HS3ST4: variants seen among roughly 807,000 people sequenced by gnomAD.
HS3ST4 encodes the protein heparan sulfate glucosamine 3-O-sulfotransferase 4.
HS3ST4 carries 17 observed loss-of-function variants against 29.2 expected under a neutral mutation model. That is an observed-to-expected ratio of 0.58 (90% CI 0.40 to 0.87). The LOEUF (loss-of-function observed/expected upper bound fraction) is 0.87. HS3ST4 is among the 40% of genes least tolerant of loss of function. The probability of loss-of-function intolerance (pLI) is 0.00; values close to 1 mark genes in which losing one functional copy is unlikely to be tolerated. For synonymous variants in HS3ST4, 314 were observed against 285.7 expected, an observed-to-expected ratio of 1.10 and a Z score of -1.00; for missense variants, 627 against 634.5, an observed-to-expected ratio of 0.99 and a Z score of 0.13.
chr16:25,801,700 T>C (rs1372201050), intron 1 of HS3ST4, among the ~76,000 whole-genome samples: 5 of 152,196 alleles, frequency 3.3e-5, no homozygotes, highest in Non-Finnish European at 7.4e-5. Flanking sequence ...CCTTAACGTT[T>C]TTCTTTGGGA....
intron 1 of HS3ST4, among the ~76,000 whole-genome samples, chr16:25,728,930 A>G (rs1966554016): frequency 6.6e-6 from 1 of 152,050 alleles, no homozygotes; most frequent in African/African-American, 2.4e-5. Flanking sequence ...TAAAAAAATA[A>G]AAATTAGCTG....
At chr16:25,865,713 G>A (rs7202841) in intron 1 of HS3ST4, among the ~76,000 whole-genome samples, 21,535 of 152,126 alleles carry the variant, frequency 0.14, 1,599 homozygotes, top group East Asian at 0.26. Context: ...CCAAGACCAT[G>A]CAATAGGGAA....
chr16:26,114,564 A>T lies in HS3ST4; in HGVS notation c.735-21048A>T, dbSNP rs35038475. Among the ~76,000 whole-genome samples the T allele has an allele frequency of 1.9e-3, 283 of 152,266 alleles. 1 individual carries two copies. The highest frequency in any genetic ancestry group is 3.6e-3 in the Non-Finnish European group (245 of 68,020). Reference sequence around the variant, plus strand: ...GAAGGAAGAAAAATACATATGTGCCATATGGTGTGACGGGTCAATAGTGGA... The same window carrying T: ...GAAGGAAGAAAAATACATATGTGCCTTATGGTGTGACGGGTCAATAGTGGA... On this transcript the variant is annotated intron_variant, in intron 1 of 1. Transcript: ENST00000331351.
chr16:25,771,656 A>T (rs972463807), intron 1 of HS3ST4, among the ~76,000 whole-genome samples: 2 of 152,078 alleles, frequency 1.3e-5, no homozygotes, highest in Non-Finnish European at 1.5e-5. Flanking sequence ...TGTGTGCCCC[A>T]TGTAGTTGTC....
intron 1 of HS3ST4, among the ~76,000 whole-genome samples, chr16:26,023,486 A>G (rs754182300): frequency 1.3e-5 from 2 of 152,020 alleles, no homozygotes; most frequent in Non-Finnish European, 2.9e-5. Context: ...TGCAACCTCA[A>G]ACTCCTGAGC....
At chr16:26,054,498 G>T (rs1200481248) in intron 1 of HS3ST4, among the ~76,000 whole-genome samples, 1 of 152,208 alleles carries the variant, frequency 6.6e-6, no homozygotes, top group African/African-American at 2.4e-5. Context: ...GGCCAGGGAA[G>T]TAGGTGGTTC....
At chr16:25,988,540 TG>T (rs1460767800) in intron 1 of HS3ST4, among the ~76,000 whole-genome samples, 1 of 152,198 alleles carries the variant, frequency 6.6e-6, no homozygotes, top group Non-Finnish European at 1.5e-5. Flanking sequence ...ATTGAACACA[TG>T]ATCTAAGGTG....
At chr16:25,947,336 T>C (rs1968636950) in intron 1 of HS3ST4, among the ~76,000 whole-genome samples, 1 of 152,180 alleles carries the variant, frequency 6.6e-6, no homozygotes, top group South Asian at 2.1e-4. Context: ...TAACAACTTG[T>C]TGTATTAGTC....
At chr16:25,886,292 CA>C (rs1327542897) in intron 1 of HS3ST4, among the ~76,000 whole-genome samples, 1 of 152,084 alleles carries the variant, frequency 6.6e-6, no homozygotes, top group African/African-American at 2.4e-5. Context: ...CTCGGCCTCC[CA>C]AAGTTCTGGG....
chr16:25,783,989 G>A (rs942446650), intron 1 of HS3ST4, among the ~76,000 whole-genome samples: 6 of 152,140 alleles, frequency 3.9e-5, no homozygotes, highest in Non-Finnish European at 1.5e-5. Flanking sequence ...TCAACAGTGT[G>A]TGCTCACTTC....
chr16:25,780,172 C>T (rs949265651), intron 1 of HS3ST4, among the ~76,000 whole-genome samples: 1 of 152,196 alleles, frequency 6.6e-6, no homozygotes, highest in African/African-American at 2.4e-5. Flanking sequence ...GCACCGTGTT[C>T]AATCCTGCCT....
chr16:26,128,320 G>A (rs1239793812), intron 1 of HS3ST4, among the ~76,000 whole-genome samples: 2 of 152,190 alleles, frequency 1.3e-5, no homozygotes, highest in South Asian at 2.1e-4. Context: ...TAGTTGGTAC[G>A]TAATAAGCAC....
intron 1 of HS3ST4, among the ~76,000 whole-genome samples, chr16:26,104,414 G>A (rs1899026346): frequency 6.6e-6 from 1 of 152,156 alleles, no homozygotes; most frequent in Non-Finnish European, 1.5e-5. Flanking sequence ...ACTGCAAAGA[G>A]ACCTACTCTT....
intron 1 of HS3ST4, among the ~76,000 whole-genome samples, chr16:25,695,143 C>T (rs2141577939): frequency 6.6e-6 from 1 of 152,298 alleles, no homozygotes; most frequent in South Asian, 2.1e-4. Context: ...CCAACCAATG[C>T]TTGTGGTATT....
intron 1 of HS3ST4, among the ~76,000 whole-genome samples, chr16:25,728,852 G>A (rs1966553685): frequency 6.6e-6 from 1 of 152,178 alleles, no homozygotes; most frequent in Non-Finnish European, 1.5e-5. Flanking sequence ...GGAGGCCAAG[G>A]CAGAAGGATC....
intron 1 of HS3ST4, among the ~76,000 whole-genome samples, chr16:25,762,476 AAGGAGGGTGCTGAGGCAAGGCTTTC>A (rs1966794321): frequency 1.3e-5 from 2 of 152,138 alleles, no homozygotes; most frequent in Non-Finnish European, 2.9e-5. Context: ...CAGCCGACAG[AAGGAGGGTGCTGAGGCAAGGCTTTC>A]AGAGGCATTG....
At chr16:26,115,264 T>TACACACACAC (rs368821262) in intron 1 of HS3ST4, among the ~76,000 whole-genome samples, 10 of 136,504 alleles carry the variant, frequency 7.3e-5, no homozygotes, top group Admixed American at 2.9e-4. Context: ...TATACATATA[T>TACACACACAC]ATACACACAC....
chr16:25,825,670 A>G (rs1311088564), intron 1 of HS3ST4: 3 of 152,188 alleles, frequency 2.0e-5, no homozygotes, highest in Non-Finnish European at 4.4e-5. Context: ...TGAACGTAAG[A>G]CTGCCATATG....
chr16:25,741,624 T>A (rs1367448257), intron 1 of HS3ST4, among the ~76,000 whole-genome samples: 1 of 152,174 alleles, frequency 6.6e-6, no homozygotes, highest in Non-Finnish European at 1.5e-5. Context: ...ATAATTTCAA[T>A]GAGGTTTGTT....
Sources: gnomAD v4.1 joint callset for allele counts (sites outside exome capture counted in the v4.1 genomes callset) on GRCh38, gnomAD v4.1.1 for gene constraint, MANE v1.5 for transcripts, NCBI Gene and HGNC (gene_info 2026-07-23, HGNC 2026-07-21) for gene names.